SCHIP1: variants seen among roughly 807,000 people sequenced by gnomAD.
The protein encoded by SCHIP1 is schwannomin-interacting protein 1.
SCHIP1 carries 8 observed loss-of-function variants against 29.7 expected under a neutral mutation model. That is an observed-to-expected ratio of 0.27 (90% CI 0.16 to 0.49). SCHIP1 has a LOEUF of 0.49. SCHIP1 is among the 20% of genes least tolerant of loss of function. SCHIP1 has a pLI of 0.99. For synonymous variants in SCHIP1, 76 were observed against 94.9 expected, an observed-to-expected ratio of 0.80 and a Z score of 1.16; for missense variants, 193 against 294.6, an observed-to-expected ratio of 0.66 and a Z score of 2.52.
At chr3:159,687,850 G>A in the SCHIP1 span, among the ~76,000 whole-genome samples, 1 of 152,156 alleles carries the variant, frequency 6.6e-6, no homozygotes, top group South Asian at 2.1e-4. Flanking sequence ...AACATTTGGT[G>A]TTTGATTTTC....
At chr3:159,670,217 G>A in the SCHIP1 span, among the ~76,000 whole-genome samples, 1 of 152,168 alleles carries the variant, frequency 6.6e-6, no homozygotes, top group Admixed American at 6.5e-5. Flanking sequence ...AGATTGTAAA[G>A]TTTGACATAA....
the SCHIP1 span, among the ~76,000 whole-genome samples, chr3:159,372,194 C>T: frequency 6.6e-6 from 1 of 151,976 alleles, no homozygotes; most frequent in African/African-American, 2.4e-5. Flanking sequence ...AGGCTGAGAA[C>T]AAATTAAGTA....
the SCHIP1 span, among the ~76,000 whole-genome samples, chr3:159,726,785 C>A: frequency 6.6e-6 from 1 of 152,210 alleles, no homozygotes; most frequent in Admixed American, 6.5e-5. Flanking sequence ...ATAAAAGCCT[C>A]TGTGCCATTT....
chr3:159,711,414 A>C, the SCHIP1 span, among the ~76,000 whole-genome samples: 3 of 150,680 alleles, frequency 2.0e-5, no homozygotes, highest in East Asian at 5.8e-4. Context: ...TAAAAAAAAA[A>C]TGTTTTCCAC....
At chr3:159,562,984 T>C in the SCHIP1 span, among the ~76,000 whole-genome samples, 1 of 152,236 alleles carries the variant, frequency 6.6e-6, no homozygotes, top group Non-Finnish European at 1.5e-5. Flanking sequence ...AAATATTCTT[T>C]ACCTTTCTCA....
the SCHIP1 span, among the ~76,000 whole-genome samples, chr3:159,444,199 A>G: frequency 1.1e-4 from 16 of 152,204 alleles, no homozygotes; most frequent in Admixed American, 3.9e-4. Flanking sequence ...ACCCTCAGGG[A>G]GACTGTGTGG....
At chr3:159,274,888 G>A in the SCHIP1 span, 2 of 695,554 alleles carry the variant, frequency 2.9e-6, no homozygotes, top group Non-Finnish European at 3.5e-6. Flanking sequence ...TCCTTTAGTA[G>A]TTTTCTTCAT....
chr3:159,755,552 TATC>T, the SCHIP1 span, among the ~76,000 whole-genome samples: 1 of 152,110 alleles, frequency 6.6e-6, no homozygotes. Flanking sequence ...AACCAAACAA[TATC>T]ATTCTGCCCC....
chr3:159,832,232 G>T, the SCHIP1 span, among the ~76,000 whole-genome samples: 1 of 151,802 alleles, frequency 6.6e-6, no homozygotes, highest in South Asian at 2.1e-4. Context: ...TTCCCCTATC[G>T]CCACCACAAC....
chr3:159,426,603 G>A, the SCHIP1 span, among the ~76,000 whole-genome samples: 1 of 152,146 alleles, frequency 6.6e-6, no homozygotes, highest in Non-Finnish European at 1.5e-5. Context: ...TCTACCAGAG[G>A]TACAAGGAGG....
the SCHIP1 span, among the ~76,000 whole-genome samples, chr3:159,421,455 G>A: frequency 6.6e-6 from 1 of 152,142 alleles, no homozygotes; most frequent in Admixed American, 6.5e-5. Flanking sequence ...TGGATCTGTG[G>A]CTTTGCTTTT....
At chr3:159,499,010 A>G in the SCHIP1 span, among the ~76,000 whole-genome samples, 1 of 152,176 alleles carries the variant, frequency 6.6e-6, no homozygotes, top group Non-Finnish European at 1.5e-5. Context: ...GACCCTGGGC[A>G]GCTTGTATAG....
the SCHIP1 span, among the ~76,000 whole-genome samples, chr3:159,499,157 A>G: frequency 6.6e-6 from 1 of 152,220 alleles, no homozygotes; most frequent in African/African-American, 2.4e-5. Flanking sequence ...TGCATTGGTT[A>G]AACTCATAGT....
At chr3:159,528,830 A>T in the SCHIP1 span, among the ~76,000 whole-genome samples, 18 of 152,330 alleles carry the variant, frequency 1.2e-4, no homozygotes, top group African/African-American at 4.3e-4. Context: ...GGTTCTGCTA[A>T]TTTGGTTGGC....
At chr3:159,318,329 A>G in the SCHIP1 span, among the ~76,000 whole-genome samples, 2 of 152,206 alleles carry the variant, frequency 1.3e-5, no homozygotes, top group Non-Finnish European at 2.9e-5. Flanking sequence ...CAATTTTCCA[A>G]CCATGCTTCT....
chr3:159,787,628 C>A, the SCHIP1 span, among the ~76,000 whole-genome samples: 2 of 152,176 alleles, frequency 1.3e-5, no homozygotes, highest in Admixed American at 6.5e-5. Context: ...CCTACTTAAA[C>A]CTCAATCACA....
the SCHIP1 span, among the ~76,000 whole-genome samples, chr3:159,407,616 G>A: frequency 6.6e-6 from 1 of 152,152 alleles, no homozygotes; most frequent in African/African-American, 2.4e-5. Flanking sequence ...CATTTTCAAG[G>A]ATAGATCATA....
At chr3:159,455,652 A>C in the SCHIP1 span, among the ~76,000 whole-genome samples, 1 of 152,374 alleles carries the variant, frequency 6.6e-6, no homozygotes, top group South Asian at 2.1e-4. Flanking sequence ...TCAAGCTGAC[A>C]TGAAAATAAT....
chr3:159,314,672 G>A, the SCHIP1 span, among the ~76,000 whole-genome samples: 1 of 152,142 alleles, frequency 6.6e-6, no homozygotes, highest in Non-Finnish European at 1.5e-5. Context: ...ACAAAAGCAG[G>A]AAAGAACCTG....
Sources: gnomAD v4.1 joint callset for allele counts (sites outside exome capture counted in the v4.1 genomes callset) on GRCh38, gnomAD v4.1.1 for gene constraint, MANE v1.5 for transcripts, NCBI Gene and HGNC (gene_info 2026-07-23, HGNC 2026-07-21) for gene names.